L3MBTL4: variants seen among roughly 807,000 people sequenced by gnomAD.
L3MBTL4 encodes the protein L3MBTL histone methyl-lysine binding protein 4, also known as lethal(3)malignant brain tumor-like protein 4.
In L3MBTL4, 70 loss-of-function variants were observed where a neutral mutation model predicts 84.5. That is an observed-to-expected ratio of 0.83 (90% CI 0.68 to 1.01). L3MBTL4 has a LOEUF of 1.01. L3MBTL4 is among the 50% of genes least tolerant of loss of function. The pLI, the probability that L3MBTL4 is intolerant of heterozygous loss-of-function variation, is 0.00. For synonymous variants in L3MBTL4, 274 were observed against 259.8 expected, an observed-to-expected ratio of 1.05 and a Z score of -0.52; for missense variants, 715 against 754.8, an observed-to-expected ratio of 0.95 and a Z score of 0.62.
intron 16 of L3MBTL4, among the ~76,000 whole-genome samples, chr18:5,984,878 G>A (rs550827562): frequency 1.3e-5 from 2 of 151,992 alleles, no homozygotes; most frequent in East Asian, 3.9e-4. Flanking sequence ...ATAGATTATT[G>A]GTCAAAATCA....
chr18:6,398,115 G>T (rs947254443), intron 1 of L3MBTL4: 6 of 149,980 alleles, frequency 4.0e-5, no homozygotes, highest in African/African-American at 9.8e-5. Context: ...TCTCAAGGCT[G>T]CAGTGAACTG....
rs114751280 is a variant in L3MBTL4 at position 6,368,469 on chromosome 18, G to A, written c.-91+46332C>T. 2.7e-3 allele frequency among the ~76,000 whole-genome samples: 414 copies of A among 152,296 alleles called. 3 individuals carry two copies. The highest frequency in any genetic ancestry group is 9.5e-3 in the African/African-American group (394 of 41,558). On this transcript the variant is annotated intron_variant, in intron 1 of 18. Coordinates refer to ENST00000317931, the MANE Select transcript of L3MBTL4 (RefSeq NM_001330559.2). ...GTCACAGCAGGTAGACAGCTGCTGA[G>A]TGTGTGCTTACTGTCTGCCAAGGTC...
chr18:6,252,915 C>A (rs2146259894), intron 5 of L3MBTL4, among the ~76,000 whole-genome samples: 1 of 152,238 alleles, frequency 6.6e-6, no homozygotes, highest in East Asian at 1.9e-4. Flanking sequence ...GCCTTAAAAC[C>A]CCCTGGGGCC....
intron 1 of L3MBTL4, chr18:6,367,587 C>T (rs1350054395): frequency 6.6e-6 from 1 of 152,244 alleles, no homozygotes; most frequent in Non-Finnish European, 1.5e-5. Flanking sequence ...CAGGGCAATC[C>T]CTGACAATCT....
intron 1 of L3MBTL4, among the ~76,000 whole-genome samples, chr18:6,407,550 C>T (rs192555341): frequency 6.6e-6 from 1 of 152,090 alleles, no homozygotes; most frequent in Non-Finnish European, 1.5e-5. Flanking sequence ...ATATTCTTTG[C>T]CTTTGTATTT....
chr18:6,214,929 C>A (rs1166780231), intron 11 of L3MBTL4, among the ~76,000 whole-genome samples: 1 of 152,162 alleles, frequency 6.6e-6, no homozygotes, highest in Non-Finnish European at 1.5e-5. Flanking sequence ...TTTTTAAACC[C>A]TTCCTAGTAC....
In L3MBTL4 at chr18:6,062,926, G is replaced by A. The variant is rs74412945; in HGVS notation, c.1444+17955C>T. ...TGATTCCTGAGATTTTAGTGCACCC[G>A]TCATCTAAGCAGTGTAAACTGTACC... On this transcript the variant is annotated intron_variant, in intron 16 of 18. Coordinates refer to ENST00000317931, the MANE Select transcript of L3MBTL4 (RefSeq NM_001330559.2). Among the ~76,000 whole-genome samples, 741 of 151,446 alleles carry A rather than the reference G, an allele frequency of 4.9e-3. 4 individuals carry two copies. Among genetic ancestry groups the A allele is most frequent in the African/African-American group, 0.017 (711 of 41,330 alleles).
At chr18:6,376,394 T>A (rs2054371720) in intron 1 of L3MBTL4, among the ~76,000 whole-genome samples, 1 of 152,244 alleles carries the variant, frequency 6.6e-6, no homozygotes, top group South Asian at 2.1e-4. Flanking sequence ...CACTGTCTGT[T>A]CATTTGTTTT....
chr18:6,036,670 T>C (rs1018163878), intron 16 of L3MBTL4, among the ~76,000 whole-genome samples: 1 of 152,214 alleles, frequency 6.6e-6, no homozygotes, highest in African/African-American at 2.4e-5. Flanking sequence ...TCCTGTTTCT[T>C]GTAAGTTTTG....
intron 1 of L3MBTL4, among the ~76,000 whole-genome samples, chr18:6,340,400 G>T (rs1390211342): frequency 1.3e-5 from 2 of 152,168 alleles, no homozygotes; most frequent in Non-Finnish European, 2.9e-5. Context: ...ACAGCTCAGT[G>T]CCAAGAGAAG....
At chr18:6,381,278 T>G (rs1350600694) in intron 1 of L3MBTL4, among the ~76,000 whole-genome samples, 1 of 152,232 alleles carries the variant, frequency 6.6e-6, no homozygotes, top group Admixed American at 6.5e-5. Flanking sequence ...GTCTTGACTC[T>G]TTATCCAATT....
At position 6,047,019 on chromosome 18, in the gene L3MBTL4, G is replaced by A. The variant is rs977349192; in HGVS notation, c.1444+33862C>T. Among the ~76,000 whole-genome samples, 6 of 152,048 alleles carry A rather than the reference G, an allele frequency of 3.9e-5. No homozygotes were observed. The South Asian group carries it at 1.2e-3, about 32-fold the overall frequency. On this transcript the variant is annotated intron_variant, in intron 16 of 18. Transcript: ENST00000317931. ...ATAGACAGCTAGCTAAATTAACAAA[G>A]AAACAGAAAATCCAAATAAGCACAA... is the stretch of plus-strand genomic sequence containing the variant.
intron 4 of L3MBTL4, among the ~76,000 whole-genome samples, chr18:6,293,817 A>G (rs56761452): frequency 0.19 from 28,688 of 152,136 alleles, 2,821 homozygotes; most frequent in African/African-American, 0.24. Flanking sequence ...ACTGACAGAC[A>G]TTTTACAAAA....
At chr18:6,192,612 A>AG (rs2045169717) in intron 12 of L3MBTL4, among the ~76,000 whole-genome samples, 1 of 152,102 alleles carries the variant, frequency 6.6e-6, no homozygotes, top group African/African-American at 2.4e-5. Flanking sequence ...ATTTTAGGAG[A>AG]GGGAAAAAAA....
intron 13 of L3MBTL4, among the ~76,000 whole-genome samples, chr18:6,139,448 C>T (rs1251611495): frequency 1.3e-5 from 2 of 151,958 alleles, no homozygotes; most frequent in Admixed American, 1.3e-4. Context: ...ACCTCCATGC[C>T]CTGTTCTGTG....
intron 1 of L3MBTL4, among the ~76,000 whole-genome samples, chr18:6,359,318 G>A (rs2143963614): frequency 6.6e-6 from 1 of 152,222 alleles, no homozygotes; most frequent in East Asian, 1.9e-4. Flanking sequence ...GGTGGCACAT[G>A]CCTGTAATCC....
At chr18:6,130,584 C>A (rs2059844407) in intron 14 of L3MBTL4, among the ~76,000 whole-genome samples, 1 of 152,086 alleles carries the variant, frequency 6.6e-6, no homozygotes, top group African/African-American at 2.4e-5. Flanking sequence ...ATATCTGGCT[C>A]TCAATGTAAA....
At chr18:6,364,507 G>A (rs1326403947) in intron 1 of L3MBTL4, among the ~76,000 whole-genome samples, 1 of 152,012 alleles carries the variant, frequency 6.6e-6, no homozygotes, top group Non-Finnish European at 1.5e-5. Context: ...ATAGAGAACA[G>A]AGAGTCCACA....
intron 14 of L3MBTL4, among the ~76,000 whole-genome samples, chr18:6,110,738 T>C (rs1216684882): frequency 6.6e-6 from 1 of 152,072 alleles, no homozygotes; most frequent in East Asian, 1.9e-4. Context: ...GGTTTCTGTA[T>C]GCATCAGAGA....
Sources: allele counts gnomAD v4.1 joint callset (sites outside exome capture counted in the v4.1 genomes callset), GRCh38; gene constraint gnomAD v4.1.1; transcripts MANE v1.5; gene names NCBI Gene and HGNC (gene_info 2026-07-23, HGNC 2026-07-21).